IL1RAPL1: variants seen among roughly 807,000 people sequenced by gnomAD.
IL1RAPL1 encodes interleukin 1 receptor accessory protein like 1.
A neutral mutation model predicts 48.4 loss-of-function variants in IL1RAPL1; 3 were observed. That is an observed-to-expected ratio of 0.06 (90% CI 0.03 to 0.16). The LOEUF (loss-of-function observed/expected upper bound fraction) is 0.16, where lower values mean the gene tolerates loss of function less well. IL1RAPL1 is among the 10% of genes least tolerant of loss of function. The probability of loss-of-function intolerance (pLI) is 1.00; values close to 1 mark genes in which losing one functional copy is unlikely to be tolerated. For missense variants in IL1RAPL1, 349 were observed against 530.6 expected (o/e 0.66, Z 3.36); for synonymous variants, 185 against 187.7 (o/e 0.99, Z 0.12).
chrX:29,548,784 T>A (rs989816621), intron 5 of IL1RAPL1, among the ~76,000 whole-genome samples: 1 of 111,882 alleles, frequency 8.9e-6, no homozygotes, highest in African/African-American at 3.2e-5. Context: ...ATAACTGAAT[T>A]TTCATAATGA....
intron 9 of IL1RAPL1, among the ~76,000 whole-genome samples, chrX:29,942,706 G>A (rs1933151554): frequency 9.2e-6 from 1 of 108,208 alleles, no homozygotes; most frequent in Admixed American, 9.9e-5. Flanking sequence ...TGCAACCTCC[G>A]CCTCCCGGGT....
intron 3 of IL1RAPL1, among the ~76,000 whole-genome samples, chrX:29,336,249 A>C (rs1932992231): frequency 1.3e-5 from 1 of 74,943 alleles, no homozygotes; most frequent in African/African-American, 4.5e-5. Context: ...ATATACCTTT[A>C]ATATATTACA....
At chrX:28,978,212 T>G (rs1326449925) in intron 2 of IL1RAPL1, among the ~76,000 whole-genome samples, 1 of 110,975 alleles carries the variant, frequency 9.0e-6, no homozygotes, top group Admixed American at 9.5e-5. Flanking sequence ...GGGAATGAGA[T>G]CTAGAGCACA....
At chrX:29,360,673 T>C (rs1933364071) in intron 3 of IL1RAPL1, among the ~76,000 whole-genome samples, 1 of 111,827 alleles carries the variant, frequency 8.9e-6, no homozygotes, top group African/African-American at 3.2e-5. Flanking sequence ...ACTATTTGGT[T>C]GAATCAAGGA....
At chrX:29,017,701 C>T (rs1926272414) in intron 2 of IL1RAPL1, among the ~76,000 whole-genome samples, 1 of 111,387 alleles carries the variant, frequency 9.0e-6, no homozygotes, top group Non-Finnish European at 1.9e-5. Context: ...TAAGGACAAC[C>T]ACCACTACAT....
chrX:29,163,949 T>C (rs973602455), intron 2 of IL1RAPL1, among the ~76,000 whole-genome samples: 1 of 111,835 alleles, frequency 8.9e-6, no homozygotes. Flanking sequence ...TATATGTCCA[T>C]AGAGGTCCAA....
intron 2 of IL1RAPL1, among the ~76,000 whole-genome samples, chrX:29,071,783 A>G (rs907977641): frequency 8.0e-5 from 9 of 111,926 alleles, no homozygotes; most frequent in African/African-American, 2.3e-4. Context: ...ATGCTGATTT[A>G]TCAGAGTTGG....
intron 2 of IL1RAPL1, among the ~76,000 whole-genome samples, chrX:29,268,083 A>G (rs1931984840): frequency 1.8e-5 from 2 of 111,582 alleles, no homozygotes; most frequent in African/African-American, 6.5e-5. Context: ...ATCCAGCAGA[A>G]CAATCTCATT....
chrX:29,278,931 G>A (rs1481856403), intron 2 of IL1RAPL1, among the ~76,000 whole-genome samples: 3 of 112,300 alleles, frequency 2.7e-5, no homozygotes, highest in African/African-American at 6.5e-5. Context: ...ACATACTGAC[G>A]TATTTGGGGA....
chrX:28,677,298 G>A (rs954824924), intron 1 of IL1RAPL1, among the ~76,000 whole-genome samples: 5 of 111,815 alleles, frequency 4.5e-5, no homozygotes, highest in Admixed American at 9.5e-5. Flanking sequence ...TGTTATATAA[G>A]AAGGATCATG....
chrX:29,338,757 T>TGAG (rs767978708), intron 3 of IL1RAPL1, among the ~76,000 whole-genome samples: 7 of 111,204 alleles, frequency 6.3e-5, no homozygotes, highest in Non-Finnish European at 9.4e-5. Flanking sequence ...TTCATTTCTC[T>TGAG]GAGTCCCTGT....
intron 5 of IL1RAPL1, among the ~76,000 whole-genome samples, chrX:29,410,393 G>A (rs952564446): frequency 9.3e-6 from 1 of 107,524 alleles, no homozygotes; most frequent in African/African-American, 3.4e-5. Flanking sequence ...ACTGGGAGAT[G>A]GAGGTTGCAG....
chrX:29,765,049 C>T (rs1395728627), intron 6 of IL1RAPL1, among the ~76,000 whole-genome samples: 6 of 112,464 alleles, frequency 5.3e-5, no homozygotes, highest in Non-Finnish European at 1.1e-4. Context: ...TGAAGGAAAT[C>T]ATCCTTTGTG....
At chrX:28,732,591 C>T (rs1328212013) in intron 1 of IL1RAPL1, among the ~76,000 whole-genome samples, 2 of 111,960 alleles carry the variant, frequency 1.8e-5, no homozygotes, top group Non-Finnish European at 3.8e-5. Context: ...CTTTCTGCTA[C>T]CTCATTTGGA....
intron 6 of IL1RAPL1, among the ~76,000 whole-genome samples, chrX:29,821,436 C>T (rs931128292): frequency 9.6e-5 from 10 of 104,581 alleles, no homozygotes; most frequent in African/African-American, 2.8e-4. Flanking sequence ...GGTGACAGAG[C>T]GAGACTCTGT....
Position 28,634,443 on chromosome X carries a change from TTATATATGTA to T in IL1RAPL1, c.-25+46402_-25+46411del, listed in dbSNP as rs751003240. 3.7e-5 allele frequency among the ~76,000 whole-genome samples: 4 copies of T among 109,231 alleles called. No individual in the cohort carries two copies. In the East Asian group the frequency reaches 1.1e-3, roughly 31 times the overall value. 94.9% of individuals were successfully genotyped at this position (109,231 alleles called of 115,157 possible). ...TATACGTATGTATATATACACGTAT[TTATATATGTA>T]TATATGTGTATATATGTATATATGT... On this transcript the variant is annotated intron_variant, in intron 1 of 10. Transcript: ENST00000378993.
chrX:28,951,223 G>A (rs991936303), intron 2 of IL1RAPL1, among the ~76,000 whole-genome samples: 1 of 106,719 alleles, frequency 9.4e-6, no homozygotes, highest in Admixed American at 1.0e-4. Flanking sequence ...GTATACATAT[G>A]TAACTAATCT....
intron 2 of IL1RAPL1, among the ~76,000 whole-genome samples, chrX:28,958,899 A>G (rs951985425): frequency 1.8e-5 from 2 of 111,821 alleles, no homozygotes; most frequent in South Asian, 3.7e-4. Flanking sequence ...CTGACAAAAA[A>G]AAGTTTTTCT....
At chrX:29,045,322 T>C (rs746127372) in intron 2 of IL1RAPL1, among the ~76,000 whole-genome samples, 1 of 112,552 alleles carries the variant, frequency 8.9e-6, no homozygotes, top group East Asian at 2.8e-4. Context: ...ACTATCGGCT[T>C]TCCAAAATAT....
Sources: gnomAD v4.1 joint callset for allele counts (sites outside exome capture counted in the v4.1 genomes callset) on GRCh38, gnomAD v4.1.1 for gene constraint, MANE v1.5 for transcripts, NCBI Gene and HGNC (gene_info 2026-07-23, HGNC 2026-07-21) for gene names.